Variants in ZNF341 observed in about 807,000 individuals in gnomAD.
ZNF341 encodes zinc finger protein 341.
ZNF341 carries 52 observed loss-of-function variants against 87.7 expected under a neutral mutation model. The observed-to-expected ratio is 0.59, with a 90% CI of 0.47 to 0.75. ZNF341 has a LOEUF of 0.75. ZNF341 is among the 30% of genes least tolerant of loss of function. ZNF341 has a pLI of 0.00. For missense variants in ZNF341, 977 were observed against 1,145.9 expected (o/e 0.85, Z 2.13); for synonymous variants, 459 against 472.7 (o/e 0.97, Z 0.38).
At chr20:33,754,651 G>T (rs2019137213) in intron 5 of ZNF341, among the ~76,000 whole-genome samples, 3 of 152,154 alleles carry the variant, frequency 2.0e-5, no homozygotes, top group Admixed American at 2.0e-4. Context: ...TAGTCAGAGG[G>T]GACCAGCCCA....
Position 33,790,974 on chromosome 20 carries a change from C to A in ZNF341, c.2036-14C>A. On this transcript the variant is annotated splice_polypyrimidine_tract_variant and intron_variant, in intron 14 of 14. Transcript: ENST00000375200. The stretch of plus-strand genomic sequence containing the variant: ...GGTCTGGATGCTTCTCACTGACTTT[C>A]CCTTGCCCTCCAGGCATGAAGCTCC... 1 of 1,602,410 alleles carries A rather than the reference C, an allele frequency of 6.2e-7. No individual in the cohort carries two copies. Among genetic ancestry groups the A allele is most frequent in the South Asian group, 1.1e-5 (1 of 89,864 alleles).
chr20:33,778,670 C>A (rs1370843035), intron 10 of ZNF341, among the ~76,000 whole-genome samples: 2 of 152,192 alleles, frequency 1.3e-5, no homozygotes, highest in Admixed American at 1.3e-4. Context: ...GTCTATGGGG[C>A]TCCCCTGGGC....
chr20:33,758,390 C>T (rs1410323477), intron 6 of ZNF341, among the ~76,000 whole-genome samples: 1 of 152,116 alleles, frequency 6.6e-6, no homozygotes, highest in Non-Finnish European at 1.5e-5. Context: ...GCTAGGAGTC[C>T]ACTGCAGCTG....
chr20:33,735,309 C>T (rs1224632002), intron 1 of ZNF341, among the ~76,000 whole-genome samples: 2 of 152,134 alleles, frequency 1.3e-5, no homozygotes, highest in East Asian at 1.9e-4. Flanking sequence ...GGATTGCAGG[C>T]GTGAGGCACT....
intron 10 of ZNF341, 29 bp downstream of exon 10, chr20:33,770,321 G>C: frequency 6.4e-7 from 1 of 1,568,260 alleles, no homozygotes; most frequent in Non-Finnish European, 8.8e-7. Context: ...CCTCTCCCTG[G>C]GTGGACGGGT....
intron 1 of ZNF341, among the ~76,000 whole-genome samples, chr20:33,737,333 A>C (rs1452062120): frequency 6.6e-6 from 1 of 151,466 alleles, no homozygotes; most frequent in Non-Finnish European, 1.5e-5. Context: ...TTTATTTTTT[A>C]TTTTTTGAGA....
chr20:33,790,586 G>A (rs1015028778), intron 14 of ZNF341, among the ~76,000 whole-genome samples: 2 of 152,204 alleles, frequency 1.3e-5, no homozygotes, highest in Admixed American at 1.3e-4. Context: ...AAGAAAGTGT[G>A]AAAACTGGGA....
intron 9 of ZNF341, among the ~76,000 whole-genome samples, chr20:33,767,384 CT>C (rs11480143): frequency 2.1e-5 from 3 of 144,236 alleles, no homozygotes; most frequent in African/African-American, 2.5e-5. Context: ...GTGATCACTT[CT>C]TTTTTTTTTT....
Position 33,732,011 on chromosome 20 carries a change from G to T in ZNF341, c.-11G>T. 1 of 1,433,572 alleles carries T rather than the reference G, an allele frequency of 7.0e-7. No individual in the cohort carries two copies. The allele number at this position is 1,433,572 out of a possible 1,614,324, so 88.8% of individuals were successfully genotyped here. On this transcript the variant is annotated 5_prime_UTR_variant, in exon 1 of 15. Transcript: ENST00000375200. The surrounding 1 kb of genome is among the most constrained non-coding windows in gnomAD (Gnocchi z 4.5). ...TTCGGTTCCTGTGGCGGCGACGGCG[G>T]CGGCTCCAAGATGGCGCAGGCGATC...
chr20:33,789,627 G>A lies in ZNF341; in HGVS notation c.2035+39G>A, dbSNP rs775275350. On this transcript the variant is annotated intron_variant, in intron 14 of 14. Transcript: ENST00000375200. ...GGGCCTGCTAAGAGGGTCTGGTTCA[G>A]CTCTAGTTCACTGGGATAGACCCGC... 39 of 1,607,788 alleles carry A rather than the reference G, an allele frequency of 2.4e-5. No homozygotes were observed. The South Asian group carries it at 4.1e-4, about 17-fold the overall frequency.
In ZNF341 at chr20:33,791,374, G is replaced by A; in HGVS notation, c.2422G>A (p.Ala808Thr). Residue 808 changes from alanine to threonine, a missense_variant, in exon 15 of 15, where the codon GCG (alanine) becomes ACG (threonine). By Grantham distance (58) the Ala-to-Thr change is moderately conservative. Coordinates refer to ENST00000375200, the MANE Select transcript of ZNF341 (RefSeq NM_001282933.2). ...DAVLSIVVGG[A>T]VGAETELVVP... is the part of the protein sequence containing the mutation. ...GGTGCTGTCCATCGTTGTGGGTGGT[G>A]CGGTGGGCGCGGAAACTGAGCTGGT... is the stretch of plus-strand genomic sequence containing the variant. The A allele has an allele frequency of 2.5e-6, 4 of 1,612,686 alleles. No homozygotes were observed. The highest frequency in any genetic ancestry group is 2.2e-5 in the South Asian group (2 of 91,022).
At chr20:33,764,543 G>GTGTGTATATATA (rs1332743148) in intron 8 of ZNF341, among the ~76,000 whole-genome samples, 3 of 69,336 alleles carry the variant, frequency 4.3e-5, no homozygotes, top group African/African-American at 2.0e-4. Flanking sequence ...GTGTGTATGT[G>GTGTGTATATATA]TATATATATA....
intron 8 of ZNF341, among the ~76,000 whole-genome samples, 160 bp from the exon 9 acceptor site, chr20:33,766,691 G>A (rs561074778): frequency 2.0e-5 from 3 of 152,318 alleles, no homozygotes; most frequent in East Asian, 3.9e-4. Flanking sequence ...CCGTACCAGT[G>A]CACAGCAGCT....
intron 14 of ZNF341, among the ~76,000 whole-genome samples, chr20:33,790,224 A>G (rs1435828252): frequency 6.6e-6 from 1 of 152,004 alleles, no homozygotes. Flanking sequence ...GGTGCCTGCC[A>G]CCACACCCAG....
intron 1 of ZNF341, among the ~76,000 whole-genome samples, chr20:33,733,159 G>A (rs1174858264): frequency 1.4e-5 from 2 of 147,838 alleles, no homozygotes; most frequent in Admixed American, 1.4e-4. Flanking sequence ...CGATTCTCGT[G>A]CCTCCGCCTC....
chr20:33,768,375 G>A (rs141467037), intron 9 of ZNF341, among the ~76,000 whole-genome samples: 3,101 of 151,542 alleles, frequency 0.02, 103 homozygotes, highest in African/African-American at 0.07. Flanking sequence ...CACCCACCTC[G>A]GCCTCCCAGA....
chr20:33,769,929 G>T (rs1437569606), intron 9 of ZNF341, among the ~76,000 whole-genome samples, 155 bp from the exon 10 acceptor site: 1 of 152,000 alleles, frequency 6.6e-6, no homozygotes, highest in African/African-American at 2.4e-5. Context: ...ATGAATGAAT[G>T]AATAAAAACC....
chr20:33,744,274 ACT>A (rs773901031), intron 2 of ZNF341, among the ~76,000 whole-genome samples: 67 of 150,890 alleles, frequency 4.4e-4, no homozygotes, highest in Non-Finnish European at 9.0e-4. Flanking sequence ...CAAGAGTGAA[ACT>A]CTCTCTCAGA....
At position 33,761,731 on chromosome 20, in the gene ZNF341, C is replaced by T. The variant is rs571040485; in HGVS notation, c.1029-131C>T. 12 of 740,746 alleles carry T rather than the reference C, an allele frequency of 1.6e-5. No individual in the cohort carries two copies. In the South Asian group the frequency reaches 1.7e-4, roughly 10 times the overall value. The allele number at this position is 740,746 out of a possible 1,614,324, so 45.9% of individuals were successfully genotyped here. On this transcript the variant is annotated intron_variant, in intron 7 of 14. Coordinates refer to ENST00000375200, the MANE Select transcript of ZNF341 (RefSeq NM_001282933.2). ...TGCCTGCCTCAGCGAAGGGGCTTGTCGCCGTGGTGTCAGAATGTGGCAAGT... is the reference window on the plus strand; with the variant it reads ...TGCCTGCCTCAGCGAAGGGGCTTGTTGCCGTGGTGTCAGAATGTGGCAAGT...
Sources: allele counts gnomAD v4.1 joint callset (sites outside exome capture counted in the v4.1 genomes callset), GRCh38; gene constraint gnomAD v4.1.1; non-coding constraint Gnocchi (gnomAD v3.1); transcripts MANE v1.5; gene names NCBI Gene and HGNC (gene_info 2026-07-23, HGNC 2026-07-21).